SDK1: variants seen among roughly 807,000 people sequenced by gnomAD.
SDK1 encodes the protein sidekick cell adhesion molecule 1.
In SDK1, 157 loss-of-function variants were observed where a neutral mutation model predicts 245.5. The ratio of observed to expected loss-of-function variants is 0.64; its 90% CI spans 0.56 to 0.73. SDK1 has a LOEUF of 0.73. Among genes scored for constraint, SDK1 ranks in the 30% least tolerant of loss-of-function variants. SDK1 has a pLI of 0.00. For missense variants in SDK1, 3,583 were observed against 3,002.3 expected (o/e 1.19, Z -4.52); for synonymous variants, 1,647 against 1,278.5 (o/e 1.29, Z -6.15).
At chr7:4,226,991 T>C (rs534844679) in intron 40 of SDK1, among the ~76,000 whole-genome samples, 1 of 152,128 alleles carries the variant, frequency 6.6e-6, no homozygotes, top group Admixed American at 6.5e-5. Flanking sequence ...GGCAGGTGGC[T>C]GGAGGACAGG....
intron 14 of SDK1, among the ~76,000 whole-genome samples, chr7:4,004,042 A>G (rs1785276202): frequency 6.6e-6 from 1 of 152,250 alleles, no homozygotes; most frequent in South Asian, 2.1e-4. Flanking sequence ...CACTCCATCC[A>G]TTTCTCATGT....
Position 4,143,789 on chromosome 7 carries a change from C to G in SDK1, c.4229-1933C>G, listed in dbSNP as rs1013556724. ...ACCCATGGGGCTCCAGCCCGACTCTCTCGTCACTTTCTCGCTGGGGACCCA... is the reference window on the plus strand; with the variant it reads ...ACCCATGGGGCTCCAGCCCGACTCTGTCGTCACTTTCTCGCTGGGGACCCA... On this transcript the variant is annotated intron_variant, in intron 28 of 44. Coordinates refer to ENST00000404826, the MANE Select transcript of SDK1 (RefSeq NM_152744.4). 2.0e-5 allele frequency among the ~76,000 whole-genome samples: 3 copies of G among 152,228 alleles called. No individual in the cohort carries two copies. In the South Asian group the frequency reaches 6.2e-4, roughly 32 times the overall value.
chr7:4,068,360 CTTCA>C (rs1780032757), intron 20 of SDK1, among the ~76,000 whole-genome samples: 1 of 152,192 alleles, frequency 6.6e-6, no homozygotes. Context: ...GTGACCTTTC[CTTCA>C]TTCAGCAGAT....
chr7:4,084,662 A>G (rs925459279), intron 22 of SDK1, among the ~76,000 whole-genome samples: 4 of 140,340 alleles, frequency 2.9e-5, no homozygotes, highest in Non-Finnish European at 4.7e-5. Context: ...CCTTAAATGT[A>G]TATGTTATGT....
intron 1 of SDK1, among the ~76,000 whole-genome samples, chr7:3,461,272 C>G (rs1266629136): frequency 2.6e-5 from 4 of 152,172 alleles, no homozygotes; most frequent in Admixed American, 2.0e-4. Context: ...ACCTTGTTTT[C>G]TAGTCACTGT....
intron 1 of SDK1, among the ~76,000 whole-genome samples, chr7:3,388,818 A>G (rs1353017282): frequency 1.3e-5 from 2 of 152,214 alleles, no homozygotes; most frequent in South Asian, 2.1e-4. Flanking sequence ...TCGAGTACCT[A>G]CTGTGTCAGG....
intron 14 of SDK1, among the ~76,000 whole-genome samples, chr7:4,009,794 T>G (rs1785791407): frequency 6.6e-6 from 1 of 152,240 alleles, no homozygotes; most frequent in South Asian, 2.1e-4. Flanking sequence ...CAACAGAAGT[T>G]TCCTTTGAGA....
intron 5 of SDK1, among the ~76,000 whole-genome samples, chr7:3,854,057 T>G (rs1780481892): frequency 6.6e-6 from 1 of 152,204 alleles, no homozygotes; most frequent in African/African-American, 2.4e-5. Context: ...AACCTGTATT[T>G]TTTTAAAATG....
rs148406915 is a variant in SDK1, at chr7:3,439,384, T to C, written c.298+137500T>C. On this transcript the variant is annotated intron_variant, in intron 1 of 44. Coordinates refer to ENST00000404826, the MANE Select transcript of SDK1 (RefSeq NM_152744.4). Reference sequence around the variant, plus strand: ...CAAGCTCCGGATGCAGCTGTTCCTCTAGAGACTACTGTTGCGCTCCTTACA... The same window carrying C: ...CAAGCTCCGGATGCAGCTGTTCCTCCAGAGACTACTGTTGCGCTCCTTACA... Among the ~76,000 whole-genome samples, 114 of 152,314 alleles carry C rather than the reference T, an allele frequency of 7.5e-4. 3 individuals are homozygous for C. In the East Asian group the frequency reaches 0.019, roughly 25 times the overall value.
intron 1 of SDK1, among the ~76,000 whole-genome samples, chr7:3,361,468 T>C (rs545901321): frequency 2.6e-5 from 4 of 152,348 alleles, no homozygotes; most frequent in Admixed American, 2.6e-4. Context: ...CCAGCATCTC[T>C]GCCTGCCTTG....
At chr7:3,446,674 A>C (rs1379796247) in intron 1 of SDK1, among the ~76,000 whole-genome samples, 1 of 152,212 alleles carries the variant, frequency 6.6e-6, no homozygotes, top group Non-Finnish European at 1.5e-5. Flanking sequence ...AATTTTAAGC[A>C]ATACCTATTT....
At position 3,328,210 on chromosome 7, in the gene SDK1, T is replaced by A. The variant is rs544235586; in HGVS notation, c.298+26326T>A. On this transcript the variant is annotated intron_variant, in intron 1 of 44. Transcript: ENST00000404826. ...TGTCTTCCAGAGGCAAAATGACAAA[T>A]GATATTTAAAAAATATTTTCACTTT... 9.9e-5 allele frequency among the ~76,000 whole-genome samples: 15 copies of A among 152,258 alleles called. No homozygotes were observed. The South Asian group carries it at 1.2e-3, about 13-fold the overall frequency.
intron 4 of SDK1, among the ~76,000 whole-genome samples, chr7:3,778,791 G>A (rs1562436753): frequency 1.3e-5 from 2 of 152,150 alleles, no homozygotes; most frequent in Admixed American, 6.5e-5. Flanking sequence ...ACTGAATAAG[G>A]TTGAAGGGCC....
At chr7:3,569,365 C>A (rs944267925) in intron 1 of SDK1, among the ~76,000 whole-genome samples, 7 of 152,196 alleles carry the variant, frequency 4.6e-5, no homozygotes, top group African/African-American at 1.2e-4. Flanking sequence ...AAAGGAATCC[C>A]AGTCAGTCAC....
chr7:3,718,572 TAAATAAATAAATAA>T lies in SDK1; in HGVS notation c.713+76469_713+76482del, dbSNP rs1785272536. On this transcript the variant is annotated intron_variant, in intron 4 of 44. Transcript: ENST00000404826. Reference sequence around the variant, plus strand: ...ATAAATAAATAAATAAATAAATAAATAAATAAATAAATAAATATCTAACACTCATTCATGCTAAA... The same window carrying T: ...ATAAATAAATAAATAAATAAATAAATATATCTAACACTCATTCATGCTAAA... 4.3e-5 allele frequency among the ~76,000 whole-genome samples: 6 copies of T among 138,748 alleles called. No individual in the cohort carries two copies. The South Asian group carries it at 8.9e-4, about 20-fold the overall frequency. 91.0% of individuals were successfully genotyped at this position (138,748 alleles called of 152,430 possible). A position where few individuals can be genotyped will look rare whatever the true frequency, so the allele number is the denominator to read the frequency against.
At chr7:4,174,386 G>A in intron 33 of SDK1, 29 bp downstream of exon 33, 2 of 1,610,840 alleles carry the variant, frequency 1.2e-6, no homozygotes, top group South Asian at 1.1e-5. Flanking sequence ...TCCTGGTACA[G>A]GGAGGGAGGT....
At chr7:4,040,156 A>G (rs992648361) in intron 17 of SDK1, among the ~76,000 whole-genome samples, 1 of 152,200 alleles carries the variant, frequency 6.6e-6, no homozygotes, top group African/African-American at 2.4e-5. Flanking sequence ...CTTTATAAGC[A>G]TAGGGTAATG....
At chr7:4,154,336 G>A (rs1008369457) in intron 30 of SDK1, among the ~76,000 whole-genome samples, 1 of 152,168 alleles carries the variant, frequency 6.6e-6, no homozygotes, top group Non-Finnish European at 1.5e-5. Context: ...TGAGGGTCCT[G>A]TATTACCCAA....
At chr7:4,085,615 C>T (rs1043391276) in intron 22 of SDK1, among the ~76,000 whole-genome samples, 6 of 152,172 alleles carry the variant, frequency 3.9e-5, no homozygotes, top group African/African-American at 1.4e-4. Context: ...AGTGCAGTGG[C>T]GTGATCTCAG....
Sources: allele counts gnomAD v4.1 joint callset (sites outside exome capture counted in the v4.1 genomes callset), GRCh38; gene constraint gnomAD v4.1.1; transcripts MANE v1.5; gene names NCBI Gene and HGNC (gene_info 2026-07-23, HGNC 2026-07-21).